The following UGGT1 variants were observed in gnomAD, a reference collection of about 807,000 sequenced individuals.
UGGT1 encodes UDP-glucose:glycoprotein glucosyltransferase 1.
In UGGT1, 107 loss-of-function variants were observed where a neutral mutation model predicts 203.9. The ratio of observed to expected loss-of-function variants is 0.52; its 90% CI spans 0.45 to 0.62. The LOEUF is 0.62. Among genes scored for constraint, UGGT1 ranks in the 20% least tolerant of loss-of-function variants. The pLI, the probability that UGGT1 is intolerant of heterozygous loss-of-function variation, is 0.00. For synonymous variants in UGGT1, 628 were observed against 653.5 expected (o/e 0.96, Z 0.59); for missense variants, 1,673 against 1,867.2 (o/e 0.90, Z 1.92).
chr2:128,189,817 T>C lies in UGGT1; in HGVS notation c.*75T>C. The C allele has an allele frequency of 6.5e-7, 1 of 1,541,228 alleles. No homozygotes were observed. Among genetic ancestry groups the C allele is most frequent in the Non-Finnish European group, 8.9e-7 (1 of 1,124,574 alleles). The stretch of plus-strand genomic sequence containing the variant: ...ATAAATGCTAGTTTTTTCTGATCTG[T>C]CTATACAACTGCTGATAAGCCGGCT... On this transcript the variant is annotated 3_prime_UTR_variant, in exon 41 of 41. Transcript: ENST00000259253.
chr2:128,178,232 G>C (rs1691497360), intron 33 of UGGT1, among the ~76,000 whole-genome samples: 1 of 152,210 alleles, frequency 6.6e-6, no homozygotes, highest in Non-Finnish European at 1.5e-5. Context: ...TTCTGGTGCA[G>C]CCTGTGTTCA....
At chr2:128,172,505 T>C in intron 28 of UGGT1, 68 bp from the exon 29 acceptor site, 1 of 1,527,500 alleles carries the variant, frequency 6.5e-7, no homozygotes, top group East Asian at 2.2e-5. Context: ...GTTACCTGTG[T>C]AAGGGCTGTG....
intron 16 of UGGT1, 33 bp from the exon 17 acceptor site, chr2:128,143,061 G>A (rs750096994): frequency 5.2e-6 from 8 of 1,544,030 alleles, no homozygotes; most frequent in Non-Finnish European, 6.1e-6. Flanking sequence ...GAACTTAAAA[G>A]TGTAGTTAAC....
At chr2:128,168,441 AAAT>A (rs1219645461) in intron 26 of UGGT1, among the ~76,000 whole-genome samples, 1 of 152,198 alleles carries the variant, frequency 6.6e-6, no homozygotes, top group Non-Finnish European at 1.5e-5. Context: ...ATGAGCATGT[AAAT>A]TGTTTCCAGT....
At chr2:128,161,488 CTCTT>C (rs1690526883) in intron 25 of UGGT1, among the ~76,000 whole-genome samples, 1 of 152,086 alleles carries the variant, frequency 6.6e-6, no homozygotes, top group African/African-American at 2.4e-5. Context: ...AACTAGTTCT[CTCTT>C]TTTATTTTTA....
intron 14 of UGGT1, 31 bp downstream of exon 14, chr2:128,133,291 T>A: frequency 6.4e-7 from 1 of 1,564,626 alleles, no homozygotes; most frequent in Non-Finnish European, 8.6e-7. Context: ...GGCTGTGAAC[T>A]CTGTTTCTCC....
At chr2:128,142,538 T>C (rs1689486891) in intron 16 of UGGT1, among the ~76,000 whole-genome samples, 1 of 149,942 alleles carries the variant, frequency 6.7e-6, no homozygotes, top group African/African-American at 2.4e-5. Flanking sequence ...TGAGCCAAGA[T>C]TGTGCCACTG....
intron 2 of UGGT1, among the ~76,000 whole-genome samples, chr2:128,101,345 A>G (rs531009847): frequency 1.3e-5 from 2 of 152,274 alleles, no homozygotes; most frequent in Admixed American, 6.5e-5. Flanking sequence ...CCTTGCATCT[A>G]TCCCTTAGGG....
chr2:128,176,081 G>A (rs969085680), intron 31 of UGGT1, among the ~76,000 whole-genome samples: 2 of 152,232 alleles, frequency 1.3e-5, no homozygotes, highest in African/African-American at 4.8e-5. Flanking sequence ...GGCAGAAAGA[G>A]CGAGCAGATT....
chr2:128,095,395 TCCTTCC>T (rs1275687821), intron 1 of UGGT1, among the ~76,000 whole-genome samples: 3 of 145,436 alleles, frequency 2.1e-5, no homozygotes, highest in Admixed American at 6.9e-5. Context: ...CTTCCCCTTC[TCCTTCC>T]CCTTCCCCTT....
Position 128,091,596 on chromosome 2 carries a change from G to A in UGGT1, c.58+181G>A, listed in dbSNP as rs977632785. ...TTGCCCTCAGTGGTCTTCTTGGCAA[G>A]GTATCGCTTCCGCGGGGGTGGCGGC... On this transcript the variant is annotated intron_variant, in intron 1 of 40. Coordinates refer to ENST00000259253, the MANE Select transcript of UGGT1 (RefSeq NM_020120.4). 14 of 1,437,106 alleles carry A rather than the reference G, an allele frequency of 9.7e-6. No individual in the cohort carries two copies. The African/African-American group carries it at 2.1e-4, about 21-fold the overall frequency. The allele number at this position is 1,437,106 out of a possible 1,614,324, so 89.0% of individuals were successfully genotyped here.
chr2:128,115,344 T>TA (rs916649189), intron 7 of UGGT1, 124 bp downstream of exon 7: 6 of 794,738 alleles, frequency 7.5e-6, no homozygotes, highest in African/African-American at 6.9e-5. Context: ...CTGGTTCTGT[T>TA]ACACCTGAGT....
intron 16 of UGGT1, among the ~76,000 whole-genome samples, chr2:128,141,048 G>A (rs898463915): frequency 2.6e-5 from 4 of 152,012 alleles, no homozygotes; most frequent in Admixed American, 6.5e-5. Flanking sequence ...TTGAGGCCAG[G>A]CGCAGTGGCT....
chr2:128,112,462 A>ATATATATATATATATGTATG (rs1458231232), intron 5 of UGGT1, among the ~76,000 whole-genome samples: 1 of 120,346 alleles, frequency 8.3e-6, no homozygotes, highest in Non-Finnish European at 1.8e-5. Flanking sequence ...TGTTATATAT[A>ATATATATATATATATGTATG]TATATATATA....
At chr2:128,135,789 A>G (rs1689106385) in intron 15 of UGGT1, among the ~76,000 whole-genome samples, 1 of 152,236 alleles carries the variant, frequency 6.6e-6, no homozygotes, top group Non-Finnish European at 1.5e-5. Context: ...ATATTTGGGA[A>G]GCCAAAGGTT....
intron 19 of UGGT1, among the ~76,000 whole-genome samples, chr2:128,153,411 A>AC (rs1292097511): frequency 6.6e-6 from 1 of 151,962 alleles, no homozygotes; most frequent in Non-Finnish European, 1.5e-5. Context: ...AATGAAAAAA[A>AC]CCCCACAAAG....
At chr2:128,155,747 T>C (rs1055644300) in intron 20 of UGGT1, among the ~76,000 whole-genome samples, 160 bp downstream of exon 20, 4 of 152,364 alleles carry the variant, frequency 2.6e-5, no homozygotes, top group Admixed American at 1.3e-4. Flanking sequence ...ATTTAAAGTT[T>C]AATTCTTTGT....
intron 34 of UGGT1, among the ~76,000 whole-genome samples, chr2:128,179,291 A>C (rs1691563955): frequency 6.6e-6 from 1 of 152,220 alleles, no homozygotes; most frequent in African/African-American, 2.4e-5. Flanking sequence ...TCCTCCATTC[A>C]AAAATGTGGT....
Position 128,180,943 on chromosome 2 carries a change from G to A in UGGT1, c.3954G>A (p.Gln1318=), listed in dbSNP as rs780505742. ...NEYNFQYELV[Q]YKWPRWLHQQ... is the part of the protein sequence containing the mutation. ...ACAATTTCCAGTATGAGCTTGTTCA[G>A]TACAAATGGCCCCGGTGGCTTCATC... Residue 1318 remains glutamine, a synonymous_variant, in exon 36 of 41, where the codon CAG becomes CAA. Coordinates refer to ENST00000259253, the MANE Select transcript of UGGT1 (RefSeq NM_020120.4). 6.2e-7 allele frequency: 1 copy of A among 1,614,042 alleles called. No individual in the cohort carries two copies. Among genetic ancestry groups the A allele is most frequent in the African/African-American group, 1.3e-5 (1 of 74,926 alleles).
Sources: gnomAD v4.1 joint callset for allele counts (sites outside exome capture counted in the v4.1 genomes callset) on GRCh38, gnomAD v4.1.1 for gene constraint, MANE v1.5 for transcripts, NCBI Gene and HGNC (gene_info 2026-07-23, HGNC 2026-07-21) for gene names.